The following PKHD1 variants were observed in gnomAD, a reference collection of about 807,000 sequenced individuals.
PKHD1 encodes fibrocystin.
Under a neutral mutation model 412.0 loss-of-function variants are expected in PKHD1, and 291 were observed. That is an observed-to-expected ratio of 0.71 (90% CI 0.64 to 0.78). PKHD1 has a LOEUF of 0.78. Ranked by LOEUF, PKHD1 falls within the 30% of genes least tolerant of loss-of-function variation. The pLI is 0.00. For synonymous variants in PKHD1, 1,777 were observed against 1,821.5 expected (o/e 0.98, Z 0.62); for missense variants, 4,825 against 4,950.7 (o/e 0.97, Z 0.76).
At chr6:51,998,086 G>C (rs567677824) in intron 35 of PKHD1, among the ~76,000 whole-genome samples, 1 of 152,154 alleles carries the variant, frequency 6.6e-6, no homozygotes, top group Non-Finnish European at 1.5e-5. Context: ...AGTTTTCAGC[G>C]GAGCAATACA....
intron 35 of PKHD1, among the ~76,000 whole-genome samples, chr6:51,966,006 A>G (rs1189039648): frequency 6.6e-6 from 1 of 152,194 alleles, no homozygotes; most frequent in Admixed American, 6.5e-5. Flanking sequence ...AATGATAGCT[A>G]CTGATTACTT....
chr6:51,674,897 T>C (rs558380460), intron 60 of PKHD1, among the ~76,000 whole-genome samples: 6 of 152,292 alleles, frequency 3.9e-5, no homozygotes, highest in Admixed American at 2.6e-4. Context: ...GCAAAGACAA[T>C]AGCCTAGGGA....
At chr6:52,073,573 G>A (rs1422853862) in intron 6 of PKHD1, 32 bp from the exon 7 acceptor site, 1 of 1,251,360 alleles carries the variant, frequency 8.0e-7, no homozygotes, top group Non-Finnish European at 1.2e-6. Context: ...TAATTTAATG[G>A]ACTTAGCTCA....
intron 36 of PKHD1, among the ~76,000 whole-genome samples, chr6:51,942,637 C>T (rs890649463): frequency 2.0e-5 from 3 of 151,362 alleles, no homozygotes; most frequent in South Asian, 2.1e-4. Context: ...CTGACATTCA[C>T]CCCCATTTCT....
At chr6:51,855,837 G>C in intron 49 of PKHD1, 56 bp downstream of exon 49, 1 of 1,335,930 alleles carries the variant, frequency 7.5e-7, no homozygotes, top group Non-Finnish European at 1.1e-6. Flanking sequence ...CTCAAACAAA[G>C]AAAGATAAGA....
At chr6:51,782,984 A>G (rs1013076608) in intron 53 of PKHD1, among the ~76,000 whole-genome samples, 4 of 152,206 alleles carry the variant, frequency 2.6e-5, no homozygotes, top group African/African-American at 9.6e-5. Context: ...CATGGAAGCA[A>G]TGAAAGAAAC....
rs147148017 is a variant in PKHD1 at position 52,054,505 on chromosome 6, G to A, written c.1837-340C>T. On this transcript the variant is annotated intron_variant, in intron 19 of 66. Coordinates refer to ENST00000371117, the MANE Select transcript of PKHD1 (RefSeq NM_138694.4). Reference sequence around the variant, plus strand: ...AACCCCTGTTCTAACCCAATTACCCGTGCAACCTCGAGCAAGTAACTCAAC... The same window carrying A: ...AACCCCTGTTCTAACCCAATTACCCATGCAACCTCGAGCAAGTAACTCAAC... Among the ~76,000 whole-genome samples, 12 of 152,114 alleles carry A rather than the reference G, an allele frequency of 7.9e-5. No individual in the cohort carries two copies. The East Asian group carries it at 1.2e-3, about 15-fold the overall frequency.
intron 35 of PKHD1, among the ~76,000 whole-genome samples, chr6:51,996,363 GAC>G (rs1797717879): frequency 6.6e-6 from 1 of 151,990 alleles, no homozygotes; most frequent in Admixed American, 6.6e-5. Flanking sequence ...ATGAGAAACC[GAC>G]ACTGTAACAG....
chr6:51,768,847 T>C (rs183173218), intron 55 of PKHD1, among the ~76,000 whole-genome samples: 19 of 151,836 alleles, frequency 1.3e-4, no homozygotes, highest in Admixed American at 6.6e-4. Flanking sequence ...CTAATGGTTA[T>C]ACCATCCAAA....
chr6:52,055,756 A>C lies in PKHD1; in HGVS notation c.1694-27T>G, dbSNP rs1005879123. 4 of 1,612,130 alleles carry C rather than the reference A, an allele frequency of 2.5e-6. No homozygotes were observed. In the African/African-American group the frequency reaches 4.0e-5, roughly 16 times the overall value. On this transcript the variant is annotated intron_variant, in intron 18 of 66. Transcript: ENST00000371117. Reference sequence around the variant, plus strand: ...TGGATGCAGTTCAGATAAAATAGAAAGGCAGGCATAGATATTAAAAAAGAC... The same window carrying C: ...TGGATGCAGTTCAGATAAAATAGAACGGCAGGCATAGATATTAAAAAAGAC...
intron 36 of PKHD1, among the ~76,000 whole-genome samples, chr6:51,958,891 T>A (rs1791575479): frequency 6.6e-6 from 1 of 151,598 alleles, no homozygotes; most frequent in African/African-American, 2.4e-5. Flanking sequence ...GACCATTTTA[T>A]CCCCTAAAGG....
At chr6:51,697,432 C>G (rs1402396871) in intron 60 of PKHD1, among the ~76,000 whole-genome samples, 2 of 152,196 alleles carry the variant, frequency 1.3e-5, no homozygotes, top group Non-Finnish European at 2.9e-5. Context: ...GTATTATGCT[C>G]AATGCTGAAA....
intron 60 of PKHD1, among the ~76,000 whole-genome samples, chr6:51,688,739 A>G (rs1777772213): frequency 6.6e-6 from 1 of 152,206 alleles, no homozygotes; most frequent in Non-Finnish European, 1.5e-5. Flanking sequence ...CATACAAACT[A>G]GAAAATCTAG....
At chr6:51,647,994 G>A (rs1321559377) in intron 63 of PKHD1, 37 bp downstream of exon 63, 2 of 1,141,926 alleles carry the variant, frequency 1.8e-6, no homozygotes, top group African/African-American at 1.5e-5. Context: ...AGATAAAGTG[G>A]TAACAGATAT....
At position 52,056,721 on chromosome 6, in the gene PKHD1, A is replaced by C; in HGVS notation, c.1670T>G (p.Leu557Arg). The C allele has an allele frequency of 6.2e-7, 1 of 1,613,488 alleles. No homozygotes were observed. The highest frequency in any genetic ancestry group is 8.5e-7 in the Non-Finnish European group (1 of 1,179,382). The part of the protein sequence containing the change: ...CKLEPLWSNI[L>R]LRLGFERGPE... ...ACCTCGTTCAAATCCAAGCCGGAGA[A>C]GGATGTTAGACCAAAGGGGTTCCAG... Residue 557 changes from leucine (L) to arginine (R), a missense_variant, in exon 18 of 67, where the codon CTT becomes CGT. Physicochemically the swap from Leu to Arg is moderately radical, Grantham distance 102. Transcript: ENST00000371117.
chr6:51,808,721 T>C (rs1252126047), intron 52 of PKHD1, among the ~76,000 whole-genome samples: 1 of 152,118 alleles, frequency 6.6e-6, no homozygotes, highest in Non-Finnish European at 1.5e-5. Context: ...CCTTTCTCAT[T>C]TTATCTTCAT....
intron 52 of PKHD1, among the ~76,000 whole-genome samples, chr6:51,820,807 C>T (rs1297435927): frequency 6.6e-6 from 1 of 152,120 alleles, no homozygotes; most frequent in African/African-American, 2.4e-5. Flanking sequence ...ATCTCTAAAC[C>T]TCTGTACATG....
intron 48 of PKHD1, among the ~76,000 whole-genome samples, chr6:51,861,641 T>C (rs1279934187): frequency 6.6e-6 from 1 of 152,232 alleles, no homozygotes; most frequent in Non-Finnish European, 1.5e-5. Flanking sequence ...ACCATGCTCA[T>C]AACAATCCTT....
chr6:51,884,060 T>C (rs1777814864), intron 45 of PKHD1, among the ~76,000 whole-genome samples: 1 of 152,234 alleles, frequency 6.6e-6, no homozygotes, highest in Non-Finnish European at 1.5e-5. Context: ...TATTCTGTTA[T>C]AGCAGCACAA....
Sources: allele counts gnomAD v4.1 joint callset (sites outside exome capture counted in the v4.1 genomes callset), GRCh38; gene constraint gnomAD v4.1.1; transcripts MANE v1.5; gene names NCBI Gene and HGNC (gene_info 2026-07-23, HGNC 2026-07-21).